SLC10A7: variants seen among roughly 807,000 people sequenced by gnomAD.
SLC10A7 encodes the protein sodium/bile acid cotransporter 7.
SLC10A7 carries 29 observed loss-of-function variants against 43.2 expected under a neutral mutation model. The observed-to-expected ratio is 0.67, with a 90% CI of 0.50 to 0.92. The LOEUF (loss-of-function observed/expected upper bound fraction) is 0.92, where lower values mean the gene tolerates loss of function less well. Among genes scored for constraint, SLC10A7 ranks in the 40% least tolerant of loss-of-function variants. SLC10A7 has a pLI of 0.00. For missense variants in SLC10A7, 295 were observed against 403.2 expected (o/e 0.73, Z 2.30); for synonymous variants, 152 against 144.8 (o/e 1.05, Z -0.35).
In SLC10A7 at chr4:146,380,622, C is replaced by G. The variant is rs140072827; in HGVS notation, c.436-54626G>C. Among the ~76,000 whole-genome samples, 179 of 152,120 alleles carry G rather than the reference C, an allele frequency of 1.2e-3. 1 individual carries two copies. The highest frequency in any genetic ancestry group is 4.1e-3 in the African/African-American group (172 of 41,518). The stretch of plus-strand genomic sequence containing the variant: ...CTAAATTAGGTGTTGCTAAAGGCTA[C>G]AAAGATGAATTGCATTGCAATTCAA... On this transcript the variant is annotated intron_variant, in intron 5 of 11. Coordinates refer to ENST00000335472, the MANE Select transcript of SLC10A7 (RefSeq NM_001029998.6).
chr4:146,463,098 A>G (rs556690057), intron 4 of SLC10A7, among the ~76,000 whole-genome samples: 15 of 152,202 alleles, frequency 9.9e-5, no homozygotes, highest in African/African-American at 3.6e-4. Context: ...AAGTAAAATA[A>G]AGAAATACAG....
intron 5 of SLC10A7, among the ~76,000 whole-genome samples, chr4:146,351,381 G>A (rs1397832462): frequency 1.3e-5 from 2 of 152,270 alleles, no homozygotes; most frequent in East Asian, 3.9e-4. Flanking sequence ...ATGGGACTAT[G>A]TGAAAAGGTA....
chr4:146,446,016 G>C (rs992479391), intron 4 of SLC10A7, among the ~76,000 whole-genome samples: 4 of 151,992 alleles, frequency 2.6e-5, no homozygotes, highest in Non-Finnish European at 4.4e-5. Context: ...TAAAATTTCA[G>C]GTGGGAAAAC....
chr4:146,278,955 C>A (rs142116409), intron 10 of SLC10A7, among the ~76,000 whole-genome samples: 5 of 152,238 alleles, frequency 3.3e-5, no homozygotes, highest in African/African-American at 4.8e-5. Flanking sequence ...TGCAACTAGA[C>A]CCATAATTAA....
chr4:146,401,192 T>G lies in SLC10A7; in HGVS notation c.435+41591A>C, dbSNP rs189223531. Among the ~76,000 whole-genome samples, 3 of 152,266 alleles carry G rather than the reference T, an allele frequency of 2.0e-5. No homozygotes were observed. The South Asian group carries it at 6.2e-4, about 32-fold the overall frequency. On this transcript the variant is annotated intron_variant, in intron 5 of 11. Transcript: ENST00000335472. ...ACTCTGACGGCAGGCGATAAAATCT[T>G]CTGGTTGGAAAGACCTTCTCTATTC...
intron 5 of SLC10A7, among the ~76,000 whole-genome samples, chr4:146,385,574 A>C (rs1456625871): frequency 6.6e-6 from 1 of 152,006 alleles, no homozygotes; most frequent in East Asian, 1.9e-4. Context: ...TTTTCCCTCA[A>C]CTTAAAAATA....
chr4:146,296,186 C>A (rs1008851318), intron 7 of SLC10A7, among the ~76,000 whole-genome samples: 2 of 152,136 alleles, frequency 1.3e-5, no homozygotes, highest in African/African-American at 2.4e-5. Context: ...CACTTTAAAT[C>A]ATCTCTAGAT....
chr4:146,515,299 A>G, intron 2 of SLC10A7: 1 of 617,690 alleles, frequency 1.6e-6, no homozygotes, highest in Non-Finnish European at 2.9e-6. Flanking sequence ...AGCATTAGCC[A>G]AGGTCAGCAG....
chr4:146,331,748 C>A (rs576069113), intron 5 of SLC10A7, among the ~76,000 whole-genome samples: 1 of 152,242 alleles, frequency 6.6e-6, no homozygotes, highest in East Asian at 1.9e-4. Context: ...TCTAAACCTC[C>A]AGGCTATCTT....
chr4:146,283,359 C>T, intron 9 of SLC10A7, 94 bp from the exon 10 acceptor site: 1 of 904,736 alleles, frequency 1.1e-6, no homozygotes, highest in South Asian at 1.4e-5. Flanking sequence ...ATGTTAACAT[C>T]CCTTTGATCA....
chr4:146,293,843 T>C, intron 8 of SLC10A7, 87 bp downstream of exon 8: 3 of 794,040 alleles, frequency 3.8e-6, no homozygotes, highest in Non-Finnish European at 3.8e-6. Context: ...AAATTAACAC[T>C]AGACATGAAT....
chr4:146,413,409 ATAAG>A (rs1728338453), intron 5 of SLC10A7, among the ~76,000 whole-genome samples: 1 of 152,156 alleles, frequency 6.6e-6, no homozygotes, highest in African/African-American at 2.4e-5. Flanking sequence ...TACTAGTGAG[ATAAG>A]TAAGGCAATA....
At chr4:146,431,587 A>G (rs910291282) in intron 5 of SLC10A7, among the ~76,000 whole-genome samples, 2 of 152,174 alleles carry the variant, frequency 1.3e-5, no homozygotes, top group Non-Finnish European at 2.9e-5. Flanking sequence ...TTACAACTCT[A>G]GAACCACACG....
chr4:146,332,175 C>T (rs1733583962), intron 5 of SLC10A7, among the ~76,000 whole-genome samples: 1 of 152,174 alleles, frequency 6.6e-6, no homozygotes, highest in East Asian at 1.9e-4. Flanking sequence ...CCAAATCAAA[C>T]ATTTAGCAGT....
At chr4:146,427,078 T>C (rs984736453) in intron 5 of SLC10A7, among the ~76,000 whole-genome samples, 2 of 152,192 alleles carry the variant, frequency 1.3e-5, no homozygotes, top group Non-Finnish European at 2.9e-5. Flanking sequence ...GTTGATGGAA[T>C]CTAAAAGTGG....
rs373915129 is a variant in SLC10A7 at position 146,353,064 on chromosome 4, C to G, written c.436-27068G>C. On this transcript the variant is annotated intron_variant, in intron 5 of 11. Transcript: ENST00000335472. ...AGGAGAACTGAAGGAAATAGAGAAA[C>G]AAAAAACCCTTCAAAAAATCAATGA... 2.0e-3 allele frequency among the ~76,000 whole-genome samples: 296 copies of G among 151,666 alleles called. 8 individuals carry two copies. In the East Asian group the frequency reaches 0.051, roughly 26 times the overall value.
intron 5 of SLC10A7, among the ~76,000 whole-genome samples, chr4:146,335,051 T>C (rs1038936372): frequency 6.6e-6 from 1 of 151,922 alleles, no homozygotes; most frequent in African/African-American, 2.4e-5. Flanking sequence ...TCAAGAGTCC[T>C]GGATCCTGGA....
chr4:146,289,044 C>T (rs1205780901), intron 9 of SLC10A7, among the ~76,000 whole-genome samples: 2 of 152,170 alleles, frequency 1.3e-5, no homozygotes, highest in African/African-American at 2.4e-5. Flanking sequence ...TGTCTAAGCC[C>T]ACTATTTTCA....
At chr4:146,451,906 A>G (rs1731635343) in intron 4 of SLC10A7, among the ~76,000 whole-genome samples, 1 of 152,180 alleles carries the variant, frequency 6.6e-6, no homozygotes, top group African/African-American at 2.4e-5. Flanking sequence ...GCTATCTTGC[A>G]TCCATAAGAG....
Sources: allele counts gnomAD v4.1 joint callset (sites outside exome capture counted in the v4.1 genomes callset), GRCh38; gene constraint gnomAD v4.1.1; transcripts MANE v1.5; gene names NCBI Gene and HGNC (gene_info 2026-07-23, HGNC 2026-07-21).